The following CBFB variants were observed in gnomAD, a reference collection of about 807,000 sequenced individuals.
CBFB encodes the protein CBF-beta.
A neutral mutation model predicts 30.4 loss-of-function variants in CBFB; 9 were observed. That is an observed-to-expected ratio of 0.30 (90% confidence interval 0.18 to 0.52). CBFB has a LOEUF of 0.52. Ranked by LOEUF, CBFB falls within the 20% of genes least tolerant of loss-of-function variation. The pLI is 0.97. For synonymous variants in CBFB, 94 were observed against 84.0 expected (o/e 1.12, Z -0.65); for missense variants, 170 against 244.0 (o/e 0.70, Z 2.02).
chr16:67,081,645 T>C (rs1016896221), intron 4 of CBFB, among the ~76,000 whole-genome samples: 4 of 145,514 alleles, frequency 2.7e-5, no homozygotes, highest in African/African-American at 1.0e-4. Flanking sequence ...CTACAAAAAC[T>C]AAAAAAAAAA....
At chr16:67,073,534 TCA>T (rs1961295396) in intron 4 of CBFB, among the ~76,000 whole-genome samples, 1 of 152,172 alleles carries the variant, frequency 6.6e-6, no homozygotes, top group South Asian at 2.1e-4. Flanking sequence ...TCACTTGAGG[TCA>T]GGAGTTCGAG....
chr16:67,096,265 T>G (rs1962042273), intron 5 of CBFB, among the ~76,000 whole-genome samples: 1 of 151,528 alleles, frequency 6.6e-6, no homozygotes, highest in Non-Finnish European at 1.5e-5. Context: ...GAGCTGAGAT[T>G]GCGCTACTGT....
chr16:67,029,813 C>G lies in CBFB; in HGVS notation c.165C>G (p.Ile55Met). 2 of 1,584,708 alleles carry G rather than the reference C, an allele frequency of 1.3e-6. No individual in the cohort carries two copies. The highest frequency in any genetic ancestry group is 1.7e-6 in the Non-Finnish European group (2 of 1,167,704). The change falls in exon 2 of 6, where the codon ATC becomes ATG. Residue 55 changes from isoleucine (I) to methionine (M), a missense_variant and splice_region_variant. Coordinates refer to ENST00000412916, the MANE Select transcript of CBFB (RefSeq NM_022845.3). The part of the protein sequence containing the change: ...QNACRDGRSE[I>M]AFVATGTNLS... ...CCTGCCGCGACGGCCGCTCGGAAATCGTAAGTCGGCTGGCCCGGGGCGCGC... is the reference window on the plus strand; with the variant it reads ...CCTGCCGCGACGGCCGCTCGGAAATGGTAAGTCGGCTGGCCCGGGGCGCGC...
At chr16:67,036,546 T>C (rs976334248) in intron 2 of CBFB, 93 bp from the exon 3 acceptor site, 4 of 752,032 alleles carry the variant, frequency 5.3e-6, no homozygotes, top group Non-Finnish European at 7.3e-6. Flanking sequence ...GCTGCCTGGC[T>C]TAAGACATAA....
intron 3 of CBFB, among the ~76,000 whole-genome samples, chr16:67,043,144 T>C (rs1410376773): frequency 6.6e-6 from 1 of 152,170 alleles, no homozygotes; most frequent in Non-Finnish European, 1.5e-5. Flanking sequence ...TCACTAAGTC[T>C]AGCCCACATT....
chr16:67,042,237 A>G (rs1216656995), intron 3 of CBFB, among the ~76,000 whole-genome samples: 1 of 151,926 alleles, frequency 6.6e-6, no homozygotes, highest in Non-Finnish European at 1.5e-5. Flanking sequence ...TTAAAAAATC[A>G]TTTGTTTCTA....
chr16:67,045,994 C>T (rs528158763), intron 3 of CBFB, among the ~76,000 whole-genome samples: 1 of 152,032 alleles, frequency 6.6e-6, no homozygotes, highest in African/African-American at 2.4e-5. Flanking sequence ...TGGGGTTTCA[C>T]CATTTTGGCC....
rs1288622344 is a variant in CBFB, at chr16:67,029,821, G to C, written c.165+8G>C. On this transcript the variant is annotated splice_region_variant and intron_variant, in intron 2 of 5. Coordinates refer to ENST00000412916, the MANE Select transcript of CBFB (RefSeq NM_022845.3). ...GACGGCCGCTCGGAAATCGTAAGTC[G>C]GCTGGCCCGGGGCGCGCGCGGGTCA... is the stretch of plus-strand genomic sequence containing the variant. The C allele has an allele frequency of 1.3e-6, 2 of 1,578,918 alleles. No individual in the cohort carries two copies. Among genetic ancestry groups the C allele is most frequent in the Non-Finnish European group, 1.7e-6 (2 of 1,164,522 alleles).
intron 3 of CBFB, among the ~76,000 whole-genome samples, chr16:67,055,489 C>CT (rs1034441451): frequency 6.7e-6 from 1 of 149,722 alleles, no homozygotes; most frequent in Non-Finnish European, 1.5e-5. Flanking sequence ...CCTCAGCCTA[C>CT]TGAGTAGGTG....
intron 2 of CBFB, among the ~76,000 whole-genome samples, chr16:67,034,900 T>C (rs1019369755): frequency 6.6e-6 from 1 of 152,230 alleles, no homozygotes; most frequent in Admixed American, 6.5e-5. Context: ...CAGCAGACAC[T>C]TTCATAGCAT....
intron 3 of CBFB, among the ~76,000 whole-genome samples, chr16:67,064,199 T>C (rs946730911): frequency 2.6e-5 from 4 of 152,144 alleles, no homozygotes; most frequent in Admixed American, 6.6e-5. Context: ...CCTAAAATTA[T>C]GTGTTTTGTT....
chr16:67,076,271 G>A (rs115775129), intron 4 of CBFB, among the ~76,000 whole-genome samples: 5,540 of 152,102 alleles, frequency 0.036, 152 homozygotes, highest in South Asian at 0.078. Flanking sequence ...GCATGCACTT[G>A]TAGTCCTAGT....
intron 3 of CBFB, among the ~76,000 whole-genome samples, chr16:67,062,351 T>C (rs949851071): frequency 1.3e-5 from 2 of 151,160 alleles, no homozygotes; most frequent in African/African-American, 2.4e-5. Flanking sequence ...GTATTTTTAG[T>C]AGAGACAGGG....
chr16:67,065,468 T>TA (rs1332126132), intron 3 of CBFB, among the ~76,000 whole-genome samples: 2 of 152,232 alleles, frequency 1.3e-5, no homozygotes, highest in Non-Finnish European at 1.5e-5. Context: ...CTAAAGGTAT[T>TA]ATGTGTAAGG....
chr16:67,037,545 T>C (rs541525209), intron 3 of CBFB, among the ~76,000 whole-genome samples: 82 of 152,176 alleles, frequency 5.4e-4, no homozygotes, highest in Non-Finnish European at 9.4e-4. Flanking sequence ...AAAAAGTTTC[T>C]GGGAACATGT....
chr16:67,038,286 A>G (rs561588688), intron 3 of CBFB, among the ~76,000 whole-genome samples: 35 of 142,410 alleles, frequency 2.5e-4, no homozygotes, highest in Admixed American at 9.6e-4. Context: ...TCTTGTGTGT[A>G]TATATATATA....
intron 5 of CBFB, among the ~76,000 whole-genome samples, chr16:67,096,475 A>G: frequency 6.6e-6 from 1 of 151,870 alleles, no homozygotes; most frequent in African/African-American, 2.4e-5. Context: ...ACATATATAT[A>G]TATGTATATA....
chr16:67,082,440 C>A (rs1164449008), intron 5 of CBFB, 132 bp downstream of exon 5: 1 of 1,111,660 alleles, frequency 9.0e-7, no homozygotes, highest in Non-Finnish European at 1.2e-6. Flanking sequence ...AAGTTGTACT[C>A]TCTGGCTTTG....
At chr16:67,075,197 A>ATTGTGTG (rs369475383) in intron 4 of CBFB, among the ~76,000 whole-genome samples, 1 of 142,662 alleles carries the variant, frequency 7.0e-6, no homozygotes, top group Non-Finnish European at 1.5e-5. Context: ...CTCAAAAAAA[A>ATTGTGTG]TGTGTGTGTG....
Sources: allele counts gnomAD v4.1 joint callset (sites outside exome capture counted in the v4.1 genomes callset), GRCh38; gene constraint gnomAD v4.1.1; transcripts MANE v1.5; gene names NCBI Gene and HGNC (gene_info 2026-07-23, HGNC 2026-07-21).